Variants in B4GALT6 observed in about 807,000 individuals in gnomAD.
B4GALT6 encodes UDP-Gal:beta-GlcNAc beta-1,4-galactosyltransferase 6.
B4GALT6 carries 14 observed loss-of-function variants against 46.3 expected under a neutral mutation model. The ratio of observed to expected loss-of-function variants is 0.30; its 90% CI spans 0.20 to 0.47. The LOEUF (loss-of-function observed/expected upper bound fraction) is 0.47, where lower values mean the gene tolerates loss of function less well. B4GALT6 is among the 20% of genes least tolerant of loss of function. The pLI is 0.99. For synonymous variants in B4GALT6, 168 were observed against 162.0 expected (o/e 1.04, Z -0.28); for missense variants, 386 against 480.1 (o/e 0.80, Z 1.83).
chr18:31,710,898 A>G, the B4GALT6 span, among the ~76,000 whole-genome samples: 1 of 148,528 alleles, frequency 6.7e-6, no homozygotes, highest in Non-Finnish European at 1.5e-5. Flanking sequence ...CCTAAATCCT[A>G]CTTCTATGAC....
chr18:31,705,108 T>C, the B4GALT6 span, among the ~76,000 whole-genome samples: 3 of 152,204 alleles, frequency 2.0e-5, no homozygotes, highest in African/African-American at 7.2e-5. Context: ...GATAGGAACA[T>C]AGACTAGAGA....
intron 6 of B4GALT6, 72 bp downstream of exon 6, chr18:31,630,887 C>T (rs1348116586): frequency 5.3e-6 from 8 of 1,511,458 alleles, no homozygotes; most frequent in African/African-American, 4.2e-5. Context: ...AGGGACATAA[C>T]GCTGCTACCA....
chr18:31,666,423 T>A (rs777977758), intron 1 of B4GALT6, 51 bp from the exon 2 acceptor site: 2 of 854,800 alleles, frequency 2.3e-6, no homozygotes, highest in Non-Finnish European at 3.6e-6. Context: ...AGCTTTTTTT[T>A]ATTTAATAAA....
the B4GALT6 span, among the ~76,000 whole-genome samples, chr18:31,718,666 TG>T: frequency 6.6e-6 from 1 of 151,618 alleles, no homozygotes; most frequent in East Asian, 1.9e-4. Flanking sequence ...AAAGGGAGGG[TG>T]TGATATTCCA....
the B4GALT6 span, among the ~76,000 whole-genome samples, chr18:31,707,708 C>T: frequency 2.6e-5 from 4 of 151,988 alleles, no homozygotes; most frequent in South Asian, 8.3e-4. Context: ...AAAAATTTCC[C>T]CCCCACATTA....
rs1358907456 is a variant in B4GALT6 at position 31,624,134 on chromosome 18, T to C, written c.*1480A>G. 6.6e-6 allele frequency: 1 copy of C among 152,028 alleles called. No individual in the cohort carries two copies. The highest frequency in any genetic ancestry group is 1.5e-5 in the Non-Finnish European group (1 of 67,884). The allele number at this position is 152,028 out of a possible 1,614,324, so 9.4% of individuals were successfully genotyped here. On this transcript the variant is annotated 3_prime_UTR_variant, in exon 9 of 9. Coordinates refer to ENST00000306851, the MANE Select transcript of B4GALT6 (RefSeq NM_004775.5). ...CTTGATATCAGGTAGTAAGACCTTT[T>C]TTCAGAGAACAGTCATATGAAGATA...
At chr18:31,653,376 G>A (rs1172592761) in intron 3 of B4GALT6, among the ~76,000 whole-genome samples, 16 of 149,552 alleles carry the variant, frequency 1.1e-4, no homozygotes, top group Middle Eastern at 3.6e-3. Context: ...CTCTGACATC[G>A]TCCTTTCCCT....
At chr18:31,712,698 T>C in the B4GALT6 span, among the ~76,000 whole-genome samples, 3 of 152,180 alleles carry the variant, frequency 2.0e-5, no homozygotes, top group Non-Finnish European at 4.4e-5. Context: ...TCCTAATCCT[T>C]TGGTTGTGCT....
intron 4 of B4GALT6, among the ~76,000 whole-genome samples, chr18:31,643,298 C>T (rs1338040946): frequency 3.9e-5 from 6 of 152,100 alleles, no homozygotes; most frequent in Non-Finnish European, 8.8e-5. Flanking sequence ...TCATATAGTT[C>T]CTAAATAAAA....
At chr18:31,685,694 T>A (rs187334011), upstream of B4GALT6, 1 of 152,276 alleles carries the variant, frequency 6.6e-6, no homozygotes, top group East Asian at 1.9e-4. Context: ...CCCGGATACA[T>A]TGTACCCTGG....
the B4GALT6 span, among the ~76,000 whole-genome samples, chr18:31,697,283 G>C: frequency 1.0e-3 from 154 of 150,754 alleles, no homozygotes; most frequent in Non-Finnish European, 1.8e-3. Flanking sequence ...CTGAAAAAAA[G>C]AGAGAGAGAG....
intron 1 of B4GALT6, among the ~76,000 whole-genome samples, chr18:31,671,767 G>C (rs2074360098): frequency 6.6e-6 from 1 of 152,098 alleles, no homozygotes; most frequent in Non-Finnish European, 1.5e-5. Context: ...AAAACTAATA[G>C]GGAAACCTAC....
chr18:31,658,313 C>A, intron 2 of B4GALT6: 1 of 381,514 alleles, frequency 2.6e-6, no homozygotes, highest in Non-Finnish European at 4.8e-6. Flanking sequence ...CACCCTTATC[C>A]TTGCACACAG....
At chr18:31,695,514 A>G in the B4GALT6 span, among the ~76,000 whole-genome samples, 1 of 151,880 alleles carries the variant, frequency 6.6e-6, no homozygotes, top group African/African-American at 2.4e-5. Context: ...GGCTGCCTGG[A>G]CCTCTCTGAC....
intron 6 of B4GALT6, among the ~76,000 whole-genome samples, chr18:31,627,410 C>T (rs2073714956): frequency 6.6e-6 from 1 of 151,948 alleles, no homozygotes; most frequent in Admixed American, 6.6e-5. Context: ...AAACCCAGTG[C>T]CCCCAAATTG....
intron 3 of B4GALT6, among the ~76,000 whole-genome samples, chr18:31,656,319 T>C (rs1158738555): frequency 1.3e-5 from 2 of 151,962 alleles, no homozygotes; most frequent in Non-Finnish European, 2.9e-5. Flanking sequence ...AATAAGCAAT[T>C]CAAAAAGATG....
rs2074517980 is a variant in B4GALT6, at chr18:31,684,415, G to A, written c.12C>T (p.Leu4=). The A allele has an allele frequency of 6.2e-7, 1 of 1,613,680 alleles. No homozygotes were observed. Among genetic ancestry groups the A allele is most frequent in the Non-Finnish European group, 8.5e-7 (1 of 1,179,800 alleles). The change falls in exon 1 of 9, where the codon CTC becomes CTT. Residue 4 remains leucine (L), a synonymous_variant. Coordinates refer to ENST00000306851, the MANE Select transcript of B4GALT6 (RefSeq NM_004775.5). The stretch of plus-strand genomic sequence containing the variant: ...GATTGGAAACCCGCATCATCCGCCT[G>A]AGCACAGACATCTTCCTCTTCCCTG... MSV[L]RRMMRVSNRS...
intron 5 of B4GALT6, among the ~76,000 whole-genome samples, chr18:31,636,599 G>A (rs1294662678): frequency 2.0e-5 from 3 of 152,082 alleles, no homozygotes; most frequent in Admixed American, 6.5e-5. Flanking sequence ...ACCAAGTGCT[G>A]GCAATGATGT....
chr18:31,650,304 C>T (rs1353942388), intron 3 of B4GALT6, among the ~76,000 whole-genome samples: 2 of 152,218 alleles, frequency 1.3e-5, no homozygotes, highest in African/African-American at 4.8e-5. Context: ...TCATGGGTCA[C>T]GTTTATGGCC....
Sources: allele counts gnomAD v4.1 joint callset (sites outside exome capture counted in the v4.1 genomes callset), GRCh38; gene constraint gnomAD v4.1.1; transcripts MANE v1.5; gene names NCBI Gene and HGNC (gene_info 2026-07-23, HGNC 2026-07-21).